Variants in DOCK3 observed in about 807,000 individuals in gnomAD.
DOCK3 encodes dedicator of cytokinesis 3.
DOCK3 carries 60 observed loss-of-function variants against 265.6 expected under a neutral mutation model. The ratio of observed to expected loss-of-function variants is 0.23; its 90% CI spans 0.18 to 0.28. The LOEUF (loss-of-function observed/expected upper bound fraction) is 0.28. Among genes scored for constraint, DOCK3 ranks in the 10% least tolerant of loss-of-function variants. The pLI is 1.00. For missense variants in DOCK3, 1,981 were observed against 2,594.3 expected, an observed-to-expected ratio of 0.76 and a Z score of 5.14; for synonymous variants, 881 against 938.0, an observed-to-expected ratio of 0.94 and a Z score of 1.11.
At chr3:51,227,236 A>T in intron 15 of DOCK3, 47 bp from the exon 16 acceptor site, 5 of 1,599,168 alleles carry the variant, frequency 3.1e-6, no homozygotes, top group Non-Finnish European at 4.3e-6. Context: ...AGAAATCCAG[A>T]CATTCCTACC....
intron 1 of DOCK3, among the ~76,000 whole-genome samples, chr3:50,695,865 T>C (rs4688704): frequency 0.95 from 145,272 of 152,296 alleles, 69,708 homozygotes; most frequent in East Asian, 1. Flanking sequence ...ATTCACAAAT[T>C]GGGCAGCCTT....
intron 20 of DOCK3, among the ~76,000 whole-genome samples, 188 bp downstream of exon 20, chr3:51,236,616 A>G (rs373180901): frequency 4.1e-4 from 62 of 152,216 alleles, no homozygotes; most frequent in African/African-American, 1.4e-3. Flanking sequence ...TGAAGAATCC[A>G]ACACAATCAA....
intron 4 of DOCK3, among the ~76,000 whole-genome samples, chr3:50,909,155 A>C (rs1213899804): frequency 6.6e-6 from 1 of 151,896 alleles, no homozygotes; most frequent in Non-Finnish European, 1.5e-5. Context: ...CAATGGTCTT[A>C]ACTTTTTATC....
chr3:51,223,689 T>C (rs2090198870), intron 14 of DOCK3, among the ~76,000 whole-genome samples: 1 of 152,174 alleles, frequency 6.6e-6, no homozygotes, highest in African/African-American at 2.4e-5. Context: ...TGTTAAAAAT[T>C]CCAGGTATAA....
chr3:50,918,894 G>A (rs1265354588), intron 4 of DOCK3, among the ~76,000 whole-genome samples: 1 of 152,154 alleles, frequency 6.6e-6, no homozygotes, highest in East Asian at 1.9e-4. Context: ...ATGGTTTTAG[G>A]TCTAACATTT....
In DOCK3 at chr3:51,008,054, A is replaced by C. The variant is rs548162246; in HGVS notation, c.316-56394A>C. ...GTAGTATAGTTTGAAGTCAGGTAGC[A>C]TGATGCCTCCAGCTTTGTTGTTTTG... is the stretch of plus-strand genomic sequence containing the variant. On this transcript the variant is annotated intron_variant, in intron 5 of 52. Transcript: ENST00000266037. Among the ~76,000 whole-genome samples, 13 of 152,184 alleles carry C rather than the reference A, an allele frequency of 8.5e-5. No homozygotes were observed. The South Asian group carries it at 2.3e-3, about 27-fold the overall frequency.
In DOCK3 at chr3:51,374,264, T is replaced by A. The variant is rs1188426782; in HGVS notation, c.5294-205T>A. On this transcript the variant is annotated intron_variant, in intron 49 of 52. Coordinates refer to ENST00000266037, the MANE Select transcript of DOCK3 (RefSeq NM_004947.5). This position sits in a 1 kb window ranked among gnomAD's most constrained non-coding sequence, Gnocchi z 4.8. ...CTGCATCTCACCAGCCTGCTGTATG[T>A]CAGCCTTGGCTGGGACATGAGGTGC... Among the ~76,000 whole-genome samples, 1 of 152,198 alleles carries A rather than the reference T, an allele frequency of 6.6e-6. No individual in the cohort carries two copies. The highest frequency in any genetic ancestry group is 1.5e-5 in the Non-Finnish European group (1 of 68,034).
chr3:50,845,859 A>G (rs571367385), intron 3 of DOCK3, among the ~76,000 whole-genome samples: 2 of 152,370 alleles, frequency 1.3e-5, no homozygotes, highest in South Asian at 2.1e-4. Flanking sequence ...TAAAAATACT[A>G]TAATGGGTAA....
At chr3:50,882,563 T>C (rs553605929) in intron 3 of DOCK3, among the ~76,000 whole-genome samples, 2 of 152,150 alleles carry the variant, frequency 1.3e-5, no homozygotes, top group Middle Eastern at 3.4e-3. Context: ...AAAACCACAA[T>C]GAGATCCCAT....
chr3:51,143,135 C>T (rs577066143), intron 9 of DOCK3, among the ~76,000 whole-genome samples: 1 of 152,150 alleles, frequency 6.6e-6, no homozygotes, highest in South Asian at 2.1e-4. Context: ...GATCTGCCTG[C>T]CTCGGCCTCT....
At chr3:51,228,221 G>A in intron 17 of DOCK3, 133 bp downstream of exon 17, 1 of 815,322 alleles carries the variant, frequency 1.2e-6, no homozygotes, top group Non-Finnish European at 2.0e-6. Flanking sequence ...GGTGACAGTG[G>A]GACATCTGTG....
chr3:51,370,500 C>T (rs774279107), intron 49 of DOCK3, among the ~76,000 whole-genome samples: 12 of 152,340 alleles, frequency 7.9e-5, no homozygotes, highest in Admixed American at 1.3e-4. Context: ...TAAGCAGGCC[C>T]TGCTCTTGGG....
chr3:51,325,317 A>G (rs1316881665), intron 32 of DOCK3, among the ~76,000 whole-genome samples: 2 of 152,254 alleles, frequency 1.3e-5, no homozygotes, highest in Non-Finnish European at 2.9e-5. Flanking sequence ...AAAAAAGCTC[A>G]TCATCACTGG....
At chr3:51,308,667 C>T (rs2082849779) in intron 27 of DOCK3, among the ~76,000 whole-genome samples, 1 of 152,242 alleles carries the variant, frequency 6.6e-6, no homozygotes, top group Non-Finnish European at 1.5e-5. Flanking sequence ...TTTTCCCCAC[C>T]TTTCCCCCTT....
At chr3:50,925,824 C>CT (rs368819970) in intron 4 of DOCK3, among the ~76,000 whole-genome samples, 4,481 of 88,384 alleles carry the variant, frequency 0.051, 341 homozygotes, top group Non-Finnish European at 0.072. Context: ...TAAAACTAGT[C>CT]TTTTTTTTTT....
chr3:51,287,196 C>T (rs1323526112), intron 27 of DOCK3, among the ~76,000 whole-genome samples: 1 of 152,122 alleles, frequency 6.6e-6, no homozygotes, highest in Non-Finnish European at 1.5e-5. Context: ...CAAACAAGCA[C>T]ATGAAAAAAT....
chr3:51,016,672 T>TC (rs2079291012), intron 5 of DOCK3, among the ~76,000 whole-genome samples: 1 of 50,620 alleles, frequency 2.0e-5, no homozygotes, highest in Non-Finnish European at 3.6e-5. Flanking sequence ...TTATATGATA[T>TC]ATATTTATAT....
intron 5 of DOCK3, among the ~76,000 whole-genome samples, chr3:51,031,811 A>G (rs1268757149): frequency 6.6e-6 from 1 of 152,144 alleles, no homozygotes; most frequent in Non-Finnish European, 1.5e-5. Context: ...TAATACCCCT[A>G]TAAAAATGCT....
intron 38 of DOCK3, among the ~76,000 whole-genome samples, chr3:51,347,197 G>A (rs2085644221): frequency 6.6e-6 from 1 of 152,170 alleles, no homozygotes; most frequent in South Asian, 2.1e-4. Flanking sequence ...TGGTGTTTTA[G>A]TCATGAAGTC....
Sources: allele counts gnomAD v4.1 joint callset (sites outside exome capture counted in the v4.1 genomes callset), GRCh38; gene constraint gnomAD v4.1.1; non-coding constraint Gnocchi (gnomAD v3.1); transcripts MANE v1.5; gene names NCBI Gene and HGNC (gene_info 2026-07-23, HGNC 2026-07-21).